RFX4: variants seen among roughly 807,000 people sequenced by gnomAD.
RFX4 encodes regulatory factor X4.
A neutral mutation model predicts 95.0 loss-of-function variants in RFX4; 10 were observed. The ratio of observed to expected loss-of-function variants is 0.11; its 90% CI spans 0.06 to 0.18. The LOEUF (loss-of-function observed/expected upper bound fraction) is 0.18. Among genes scored for constraint, RFX4 ranks in the 10% least tolerant of loss-of-function variants. RFX4 has a pLI of 1.00. For synonymous variants in RFX4, 321 were observed against 340.7 expected (o/e 0.94, Z 0.64); for missense variants, 640 against 922.0 (o/e 0.69, Z 3.96).
At chr12:106,610,237 C>CAAAAAAAA (rs398044781) in intron 2 of RFX4, among the ~76,000 whole-genome samples, 1 of 77,486 alleles carries the variant, frequency 1.3e-5, no homozygotes, top group Non-Finnish European at 2.7e-5. Flanking sequence ...GACTCCATCT[C>CAAAAAAAA]AAAAAAAAAA....
chr12:106,719,837 C>T (rs1252203493), intron 11 of RFX4, 123 bp from the exon 12 acceptor site: 3 of 734,988 alleles, frequency 4.1e-6, no homozygotes, highest in Non-Finnish European at 6.9e-6. Flanking sequence ...CTGCTAAGAC[C>T]TTGGAGTTTT....
chr12:106,724,660 G>A (rs2042456275), intron 13 of RFX4, among the ~76,000 whole-genome samples: 1 of 152,018 alleles, frequency 6.6e-6, no homozygotes. Flanking sequence ...GACATAATCA[G>A]TTATACAAAG....
Position 106,761,436 on chromosome 12 carries a change from C to T in RFX4, c.2175C>T (p.Ile725=), listed in dbSNP as rs187000224. ...AACACTTTCCTGGCTTTGCTTACAT[C>T]AACGGAGAGGCCTCTACAGGATGGG... ...HMQHFPGFAY[I]NGEASTGWAK The change falls in exon 18 of 18, where the codon ATC becomes ATT. Residue 725 remains isoleucine, a synonymous_variant. Coordinates refer to ENST00000392842, the MANE Select transcript of RFX4 (RefSeq NM_213594.3). The T allele has an allele frequency of 3.7e-6, 6 of 1,614,058 alleles. No individual in the cohort carries two copies. In the Admixed American group the frequency reaches 1.0e-4, roughly 27 times the overall value.
Position 106,732,256 on chromosome 12 carries a change from C to G in RFX4, c.1471+7C>G. 1 of 1,613,586 alleles carries G rather than the reference C, an allele frequency of 6.2e-7. No individual in the cohort carries two copies. Among genetic ancestry groups the G allele is most frequent in the Non-Finnish European group, 8.5e-7 (1 of 1,179,728 alleles). On this transcript the variant is annotated splice_region_variant and intron_variant, in intron 14 of 17. Coordinates refer to ENST00000392842, the MANE Select transcript of RFX4 (RefSeq NM_213594.3). ...AAGGGAGAAGGAAGCACTGGTAAGC[C>G]AGCATTTTCCTGGGAATTGCACCAC...
intron 4 of RFX4, among the ~76,000 whole-genome samples, chr12:106,678,538 T>C (rs776065441): frequency 2.0e-5 from 3 of 152,238 alleles, no homozygotes; most frequent in Non-Finnish European, 4.4e-5. Flanking sequence ...TAGGTGCTTC[T>C]TCCAAGATTA....
chr12:106,726,857 C>T (rs566942458), intron 13 of RFX4, among the ~76,000 whole-genome samples: 9 of 152,204 alleles, frequency 5.9e-5, no homozygotes, highest in Non-Finnish European at 7.4e-5. Context: ...CTGCAACCTC[C>T]GCCTCCTGGG....
intron 7 of RFX4, among the ~76,000 whole-genome samples, chr12:106,692,155 CAA>C (rs57751037): frequency 1.1e-4 from 10 of 87,468 alleles, no homozygotes; most frequent in East Asian, 3.4e-4. Flanking sequence ...GACTCCATCT[CAA>C]AAAAAAAAAA....
intron 4 of RFX4, among the ~76,000 whole-genome samples, chr12:106,656,450 C>T (rs2040959229): frequency 6.6e-6 from 1 of 152,176 alleles, no homozygotes; most frequent in African/African-American, 2.4e-5. Flanking sequence ...TTTCACAAGA[C>T]AGCCCACAGG....
chr12:106,674,928 G>A (rs2041361902), intron 4 of RFX4, among the ~76,000 whole-genome samples: 1 of 152,168 alleles, frequency 6.6e-6, no homozygotes, highest in African/African-American at 2.4e-5. Context: ...GGGAAAATGA[G>A]GCTGGAGATC....
chr12:106,585,420 C>A (rs898893412), intron 1 of RFX4, among the ~76,000 whole-genome samples: 3 of 152,214 alleles, frequency 2.0e-5, no homozygotes, highest in Non-Finnish European at 4.4e-5. Flanking sequence ...TAGGTCACCA[C>A]CCTGAACGCA....
chr12:106,747,939 A>AAG (rs958501535), intron 16 of RFX4, among the ~76,000 whole-genome samples: 2 of 151,666 alleles, frequency 1.3e-5, no homozygotes, highest in African/African-American at 4.8e-5. Context: ...AAAAAAAAAA[A>AAG]AAAAGAAAAA....
intron 2 of RFX4, among the ~76,000 whole-genome samples, chr12:106,609,225 T>G (rs929553447): frequency 2.0e-5 from 3 of 152,358 alleles, no homozygotes; most frequent in Admixed American, 2.0e-4. Context: ...CAGTGTCCAC[T>G]GTAAATATGG....
chr12:106,642,032 T>A (rs1017519774), intron 3 of RFX4, among the ~76,000 whole-genome samples: 1 of 151,920 alleles, frequency 6.6e-6, no homozygotes, highest in African/African-American at 2.4e-5. Flanking sequence ...TTTTTTGAGA[T>A]GGAGTTTTGC....
intron 4 of RFX4, among the ~76,000 whole-genome samples, chr12:106,662,471 A>G (rs2041094257): frequency 6.6e-6 from 1 of 152,156 alleles, no homozygotes; most frequent in Admixed American, 6.5e-5. Context: ...ATCCTTTATT[A>G]GATGTGTCTC....
intron 2 of RFX4, among the ~76,000 whole-genome samples, chr12:106,615,414 C>A (rs552206758): frequency 3.2e-4 from 48 of 152,264 alleles, no homozygotes; most frequent in African/African-American, 1.1e-3. Flanking sequence ...TAGCATAAGA[C>A]CTCTTGTTCT....
intron 5 of RFX4, chr12:106,682,381 C>CT: frequency 5.3e-6 from 2 of 373,956 alleles, no homozygotes; most frequent in South Asian, 7.9e-5. Context: ...ACCAGGTTAT[C>CT]TGGACTGTTT....
At chr12:106,624,189 A>G (rs1314180295) in intron 2 of RFX4, among the ~76,000 whole-genome samples, 1 of 152,242 alleles carries the variant, frequency 6.6e-6, no homozygotes, top group African/African-American at 2.4e-5. Context: ...TCTATCATTT[A>G]TAGCTGAAAG....
intron 2 of RFX4, among the ~76,000 whole-genome samples, chr12:106,632,944 G>C (rs2040444983): frequency 6.6e-6 from 1 of 152,224 alleles, no homozygotes; most frequent in South Asian, 2.1e-4. Context: ...GGCCTCAAGA[G>C]AGCAGTGACT....
At chr12:106,712,948 T>C (rs918996729) in intron 10 of RFX4, among the ~76,000 whole-genome samples, 1 of 152,122 alleles carries the variant, frequency 6.6e-6, no homozygotes, top group Non-Finnish European at 1.5e-5. Flanking sequence ...TTAATGCACA[T>C]GTAGATAAAA....
Sources: allele counts gnomAD v4.1 joint callset (sites outside exome capture counted in the v4.1 genomes callset), GRCh38; gene constraint gnomAD v4.1.1; transcripts MANE v1.5; gene names NCBI Gene and HGNC (gene_info 2026-07-23, HGNC 2026-07-21).